The following ROBO1 variants were observed in gnomAD, a reference collection of about 807,000 sequenced individuals.
ROBO1 encodes roundabout homolog 1.
Under a neutral mutation model 195.9 loss-of-function variants are expected in ROBO1, and 149 were observed. The ratio of observed to expected loss-of-function variants is 0.76; its 90% confidence interval spans 0.67 to 0.87. The LOEUF (loss-of-function observed/expected upper bound fraction) is 0.87, where lower values mean the gene tolerates loss of function less well. Ranked by LOEUF, ROBO1 falls within the 40% of genes least tolerant of loss-of-function variation. ROBO1 has a pLI of 0.00. For missense variants in ROBO1, 1,933 were observed against 2,068.3 expected (o/e 0.93, Z 1.27); for synonymous variants, 816 against 733.2 (o/e 1.11, Z -1.82).
intron 2 of ROBO1, among the ~76,000 whole-genome samples, chr3:79,236,297 C>T (rs2108865916): frequency 6.6e-6 from 1 of 152,194 alleles, no homozygotes; most frequent in Non-Finnish European, 1.5e-5. Context: ...TGTCCATTTC[C>T]TTATCTCACT....
intron 4 of ROBO1, among the ~76,000 whole-genome samples, chr3:78,884,541 AAAAG>A (rs755335627): frequency 2.0e-5 from 3 of 151,504 alleles, no homozygotes; most frequent in South Asian, 2.1e-4. Context: ...TGCCCCTCAA[AAAAG>A]AAAGAAAGAA....
At chr3:79,724,572 GACA>G (rs776861617) in intron 1 of ROBO1, among the ~76,000 whole-genome samples, 5 of 152,172 alleles carry the variant, frequency 3.3e-5, no homozygotes, top group Non-Finnish European at 7.3e-5. Context: ...CGCTAGAGAG[GACA>G]ACAAGGCAAG....
intron 1 of ROBO1, among the ~76,000 whole-genome samples, chr3:79,754,604 T>C (rs1285623348): frequency 6.6e-6 from 1 of 152,190 alleles, no homozygotes; most frequent in Non-Finnish European, 1.5e-5. Context: ...TCTATCATTC[T>C]TTCTCCTCAT....
intron 2 of ROBO1, among the ~76,000 whole-genome samples, chr3:79,186,413 T>C (rs2081440158): frequency 6.6e-6 from 1 of 151,988 alleles, no homozygotes; most frequent in Admixed American, 6.6e-5. Flanking sequence ...AACACACACA[T>C]TCATGCACAC....
chr3:78,782,222 A>G (rs985733492), intron 4 of ROBO1, among the ~76,000 whole-genome samples: 4 of 151,906 alleles, frequency 2.6e-5, no homozygotes, highest in African/African-American at 9.7e-5. Context: ...TTTGAGACAG[A>G]GTCTTGCACT....
chr3:79,567,670 A>G (rs1432573844), intron 2 of ROBO1, among the ~76,000 whole-genome samples: 1 of 152,164 alleles, frequency 6.6e-6, no homozygotes, highest in Non-Finnish European at 1.5e-5. Context: ...CCGTACCCAT[A>G]TGATATTCCC....
chr3:78,673,588 A>AT (rs1708217507), intron 10 of ROBO1, among the ~76,000 whole-genome samples: 1 of 73,842 alleles, frequency 1.4e-5, no homozygotes, highest in Admixed American at 2.0e-4. Context: ...ATATATATAT[A>AT]TATATATATA....
Position 79,315,021 on chromosome 3 carries a change from C to T in ROBO1, c.89-189482G>A, listed in dbSNP as rs111831813. Among the ~76,000 whole-genome samples, 127 of 150,026 alleles carry T rather than the reference C, an allele frequency of 8.5e-4. 1 individual carries two copies. The highest frequency in any genetic ancestry group is 3.0e-3 in the African/African-American group (122 of 41,162). ...CTTTGAATAAAAATGAGGACAGAAA[C>T]GAAATGGGAAACTGTCATATAGGCC... On this transcript the variant is annotated intron_variant, in intron 2 of 30. Coordinates refer to ENST00000464233, the MANE Select transcript of ROBO1 (RefSeq NM_002941.4).
At chr3:79,560,288 A>G (rs1942862924) in intron 2 of ROBO1, among the ~76,000 whole-genome samples, 2 of 148,628 alleles carry the variant, frequency 1.3e-5, no homozygotes, top group Non-Finnish European at 3.0e-5. Flanking sequence ...CAAGGACAAA[A>G]AACCAAACAC....
intron 4 of ROBO1, among the ~76,000 whole-genome samples, chr3:78,927,165 A>G (rs747875885): frequency 6.6e-6 from 1 of 152,218 alleles, no homozygotes; most frequent in African/African-American, 2.4e-5. Context: ...GTAAAGCTCC[A>G]TATTTGAATT....
At chr3:79,255,789 A>T (rs1238698216) in intron 2 of ROBO1, among the ~76,000 whole-genome samples, 1 of 151,982 alleles carries the variant, frequency 6.6e-6, no homozygotes, top group Non-Finnish European at 1.5e-5. Flanking sequence ...CCCACTTCTC[A>T]TCTCCCCCTC....
intron 2 of ROBO1, among the ~76,000 whole-genome samples, chr3:79,441,758 T>G (rs1230138707): frequency 1.3e-5 from 2 of 152,044 alleles, no homozygotes; most frequent in Non-Finnish European, 2.9e-5. Context: ...AGAGTGTTAG[T>G]GTAAGGAAAT....
intron 2 of ROBO1, among the ~76,000 whole-genome samples, chr3:79,242,385 A>G (rs1244076807): frequency 2.0e-5 from 3 of 152,166 alleles, no homozygotes; most frequent in East Asian, 1.9e-4. Flanking sequence ...TGGGCCTCCT[A>G]TATATAATAT....
chr3:78,949,682 G>C (rs1168983090), intron 3 of ROBO1, among the ~76,000 whole-genome samples: 1 of 152,062 alleles, frequency 6.6e-6, no homozygotes, highest in African/African-American at 2.4e-5. Context: ...AAACTAAAGA[G>C]CTTCTGCACA....
At chr3:79,713,777 G>A (rs892007379) in intron 1 of ROBO1, among the ~76,000 whole-genome samples, 2 of 152,048 alleles carry the variant, frequency 1.3e-5, no homozygotes, top group Non-Finnish European at 2.9e-5. Context: ...TGTATAAGAC[G>A]TAAGGAATAA....
intron 3 of ROBO1, among the ~76,000 whole-genome samples, chr3:78,996,342 A>AAC (rs2077365715): frequency 6.7e-6 from 1 of 148,908 alleles, no homozygotes; most frequent in African/African-American, 2.5e-5. Context: ...AAAAAAAACA[A>AAC]AAAAAAAAAA....
intron 1 of ROBO1, among the ~76,000 whole-genome samples, chr3:79,681,218 T>C (rs1946937204): frequency 6.6e-6 from 1 of 151,950 alleles, no homozygotes; most frequent in Non-Finnish European, 1.5e-5. Context: ...TTCAAAGATT[T>C]GGGTAGGAAC....
chr3:78,936,321 A>G (rs1325906224), intron 4 of ROBO1, among the ~76,000 whole-genome samples: 1 of 152,088 alleles, frequency 6.6e-6, no homozygotes, highest in Non-Finnish European at 1.5e-5. Flanking sequence ...ATGTTTTGAA[A>G]GCATTACCAA....
At chr3:79,443,184 G>T (rs1302332031) in intron 2 of ROBO1, among the ~76,000 whole-genome samples, 1 of 152,094 alleles carries the variant, frequency 6.6e-6, no homozygotes, top group Non-Finnish European at 1.5e-5. Flanking sequence ...GTGACTAGAG[G>T]AGAAAAATTA....
Sources: allele counts gnomAD v4.1 joint callset (sites outside exome capture counted in the v4.1 genomes callset), GRCh38; gene constraint gnomAD v4.1.1; transcripts MANE v1.5; gene names NCBI Gene and HGNC (gene_info 2026-07-23, HGNC 2026-07-21).